The following TULP4 variants were observed in gnomAD, a reference collection of about 807,000 sequenced individuals.
TULP4 encodes tubby-related protein 4.
TULP4 carries 16 observed loss-of-function variants against 129.0 expected under a neutral mutation model. The observed-to-expected ratio is 0.12, with a 90% CI of 0.08 to 0.19. The LOEUF is 0.19. TULP4 is among the 10% of genes least tolerant of loss of function. The pLI is 1.00. For synonymous variants in TULP4, 998 were observed against 854.0 expected (o/e 1.17, Z -2.94); for missense variants, 1,842 against 2,059.1 (o/e 0.89, Z 2.04).
intron 5 of TULP4, among the ~76,000 whole-genome samples, chr6:158,458,594 A>G (rs1779346852): frequency 1.3e-5 from 2 of 152,204 alleles, no homozygotes; most frequent in South Asian, 4.1e-4. Context: ...ATTATTACTC[A>G]AGTCTTGGGC....
intron 1 of TULP4, among the ~76,000 whole-genome samples, chr6:158,289,864 A>G (rs1358639416): frequency 6.6e-6 from 1 of 152,084 alleles, no homozygotes; most frequent in Non-Finnish European, 1.5e-5. Context: ...TGCACATGTA[A>G]TCCACCATGC....
At position 158,413,089 on chromosome 6, in the gene TULP4, C is replaced by G; in HGVS notation, c.277C>G (p.Pro93Ala). ...GGTTGTGCTGGTGAGGTGGAATGAGCCCTACCAGAAACTGGCCACGTGCGA... is the reference window on the plus strand; with the variant it reads ...GGTTGTGCTGGTGAGGTGGAATGAGGCCTACCAGAAACTGGCCACGTGCGA... ...SEVVLVRWNEPYQKLATCDAD... is the reference protein window; with the variant it reads ...SEVVLVRWNEAYQKLATCDAD... Residue 93 changes from proline to alanine, a missense_variant, in exon 2 of 14, where the codon CCC becomes GCC. This residue lies in a region of TULP4 where 151 missense variants were observed against 268.7 expected (regional missense o/e 0.56). Transcript: ENST00000367097. The surrounding 1 kb of genome is among the most constrained non-coding windows in gnomAD (Gnocchi z 4.9). 1 of 1,613,170 alleles carries G rather than the reference C, an allele frequency of 6.2e-7. No individual in the cohort carries two copies. The highest frequency in any genetic ancestry group is 1.1e-5 in the South Asian group (1 of 90,980).
chr6:158,325,215 T>TA (rs1779719374), intron 1 of TULP4, among the ~76,000 whole-genome samples: 5 of 152,332 alleles, frequency 3.3e-5, no homozygotes, highest in Admixed American at 2.0e-4. Flanking sequence ...GCACTGGCTA[T>TA]GCTTAATCAA....
At chr6:158,414,947 G>T (rs1357855409) in intron 2 of TULP4, among the ~76,000 whole-genome samples, 1 of 152,120 alleles carries the variant, frequency 6.6e-6, no homozygotes, top group African/African-American at 2.4e-5. Flanking sequence ...GAAGTTCATG[G>T]GTGGTAAGCC....
Position 158,464,490 on chromosome 6 carries a change from C to A in TULP4, c.1026+2761C>A, listed in dbSNP as rs370406868. 1.5e-4 allele frequency among the ~76,000 whole-genome samples: 23 copies of A among 152,236 alleles called. 1 individual carries two copies. The highest frequency in any genetic ancestry group is 1.2e-3 in the East Asian group (6 of 5,180). Reference sequence around the variant, plus strand: ...ACGTTCTTGTTCCCCGCTGCAACACCCCCCGCCGCAAGACGGAGGTCTTGC... The same window carrying A: ...ACGTTCTTGTTCCCCGCTGCAACACACCCCGCCGCAAGACGGAGGTCTTGC... On this transcript the variant is annotated intron_variant, in intron 6 of 13. Coordinates refer to ENST00000367097, the MANE Select transcript of TULP4 (RefSeq NM_020245.5).
intron 7 of TULP4, among the ~76,000 whole-genome samples, chr6:158,480,848 C>T (rs990748089): frequency 3.9e-5 from 6 of 152,156 alleles, no homozygotes; most frequent in African/African-American, 7.2e-5. Context: ...AGATATGCTT[C>T]GAAAGCTTGC....
chr6:158,464,960 TGGG>T (rs1050734397), intron 6 of TULP4, among the ~76,000 whole-genome samples: 1 of 152,246 alleles, frequency 6.6e-6, no homozygotes, highest in Non-Finnish European at 1.5e-5. Flanking sequence ...AAACTATATT[TGGG>T]GGTAAAATAC....
At chr6:158,320,940 A>G (rs936245955) in intron 1 of TULP4, among the ~76,000 whole-genome samples, 1 of 152,208 alleles carries the variant, frequency 6.6e-6, no homozygotes, top group Admixed American at 6.5e-5. Flanking sequence ...ATGCTTTATT[A>G]TAGTTATCTG....
chr6:158,351,202 C>T (rs538201556), intron 1 of TULP4, among the ~76,000 whole-genome samples: 46 of 152,240 alleles, frequency 3.0e-4, no homozygotes, highest in African/African-American at 1.1e-3. Flanking sequence ...TATGTAGGCA[C>T]CTTGATGAAA....
chr6:158,351,191 T>A (rs913903350), intron 1 of TULP4, among the ~76,000 whole-genome samples: 3 of 152,204 alleles, frequency 2.0e-5, no homozygotes, highest in Admixed American at 6.5e-5. Context: ...ATACTAACAC[T>A]TATGTAGGCA....
chr6:158,470,607 C>T (rs1779658867), intron 6 of TULP4, among the ~76,000 whole-genome samples: 2 of 152,286 alleles, frequency 1.3e-5, no homozygotes, highest in South Asian at 4.1e-4. Flanking sequence ...GATTCTTAGT[C>T]GGCCTAGGAA....
intron 1 of TULP4, among the ~76,000 whole-genome samples, chr6:158,409,929 C>T (rs1412544963): frequency 6.6e-6 from 1 of 151,978 alleles, no homozygotes; most frequent in Non-Finnish European, 1.5e-5. Flanking sequence ...GATCTCGGCT[C>T]ACTGCAAGCT....
chr6:158,354,900 A>C (rs986232021), intron 1 of TULP4, among the ~76,000 whole-genome samples: 6 of 151,582 alleles, frequency 4.0e-5, no homozygotes, highest in African/African-American at 1.5e-4. Flanking sequence ...AAAAAAAAAA[A>C]AAACCAGAAA....
chr6:158,249,805 A>G (rs1278964156), intron 1 of TULP4, among the ~76,000 whole-genome samples: 1 of 152,212 alleles, frequency 6.6e-6, no homozygotes, highest in Non-Finnish European at 1.5e-5. Flanking sequence ...TTACATTGCT[A>G]TATGGAATAT....
upstream of TULP4, among the ~76,000 whole-genome samples, chr6:158,311,359 C>CGGG (rs1430875952): frequency 6.6e-6 from 1 of 151,354 alleles, no homozygotes; most frequent in Non-Finnish European, 1.5e-5. Flanking sequence ...GAAGGACTGG[C>CGGG]GGGGCGGGAG....
intron 1 of TULP4, among the ~76,000 whole-genome samples, chr6:158,317,402 T>C (rs150381662): frequency 0.012 from 1,807 of 144,968 alleles, 40 homozygotes; most frequent in African/African-American, 0.042. Context: ...CACCTATGAG[T>C]GAGAACATGC....
rs532314662 is a variant in TULP4 at position 158,421,997 on chromosome 6, T to C, written c.382-7739T>C. Among the ~76,000 whole-genome samples the C allele has an allele frequency of 2.2e-3, 340 of 151,872 alleles. 1 individual carries two copies. The highest frequency in any genetic ancestry group is 6.8e-3 in the Middle Eastern group (2 of 294). On this transcript the variant is annotated intron_variant, in intron 2 of 13. Coordinates refer to ENST00000367097, the MANE Select transcript of TULP4 (RefSeq NM_020245.5). ...GATTAAAGTGGTGCTGTGAGAGAAA[T>C]GTATATCCTTAATTACTTATATTAG... is the stretch of plus-strand genomic sequence containing the variant.
intron 1 of TULP4, among the ~76,000 whole-genome samples, chr6:158,327,480 A>C (rs923025145): frequency 3.9e-5 from 6 of 152,144 alleles, no homozygotes; most frequent in African/African-American, 1.4e-4. Flanking sequence ...TGACTTTTAA[A>C]GTTTTACATG....
chr6:158,451,844 A>G (rs777524298), intron 4 of TULP4, among the ~76,000 whole-genome samples: 2 of 152,252 alleles, frequency 1.3e-5, no homozygotes, highest in East Asian at 3.8e-4. Context: ...GTAACACATT[A>G]ACATCAAGTT....
Sources: allele counts gnomAD v4.1 joint callset (sites outside exome capture counted in the v4.1 genomes callset), GRCh38; gene constraint gnomAD v4.1.1; regional missense constraint gnomAD v4.1.1; non-coding constraint Gnocchi (gnomAD v3.1); transcripts MANE v1.5; gene names NCBI Gene and HGNC (gene_info 2026-07-23, HGNC 2026-07-21).